PKIA: variants seen among roughly 807,000 people sequenced by gnomAD.
PKIA encodes PKI-alpha.
Under a neutral mutation model 7.6 loss-of-function variants are expected in PKIA, and 4 were observed. That is an observed-to-expected ratio of 0.52 (90% CI 0.26 to 1.20). The LOEUF is 1.20. Among genes scored for constraint, PKIA ranks in the 50% most tolerant of loss-of-function variants. The probability of loss-of-function intolerance (pLI) is 0.13; values close to 1 mark genes in which losing one functional copy is unlikely to be tolerated. For synonymous variants in PKIA, 21 were observed against 30.7 expected, an observed-to-expected ratio of 0.68 and a Z score of 1.04; for missense variants, 73 against 86.2, an observed-to-expected ratio of 0.85 and a Z score of 0.61.
chr8:78,597,012 G>T (rs1348755641), intron 2 of PKIA, among the ~76,000 whole-genome samples: 2 of 152,054 alleles, frequency 1.3e-5, no homozygotes, highest in African/African-American at 2.4e-5. Context: ...TTATTTCTGG[G>T]TTCTTTAACC....
In PKIA at chr8:78,560,866, A is replaced by G. The variant is rs531061563; in HGVS notation, c.-156-11945A>G. ...GTGTTAGTGTTATCTCTATTGGTAGATAGAAACCAGGCTCAGGAAGATTAA... is the reference window on the plus strand; with the variant it reads ...GTGTTAGTGTTATCTCTATTGGTAGGTAGAAACCAGGCTCAGGAAGATTAA... On this transcript the variant is annotated intron_variant, in intron 1 of 3. Transcript: ENST00000396418. 4.6e-5 allele frequency among the ~76,000 whole-genome samples: 7 copies of G among 152,332 alleles called. No individual in the cohort carries two copies. The East Asian group carries it at 1.3e-3, about 29-fold the overall frequency.
chr8:78,574,983 A>G (rs565358691), intron 2 of PKIA, among the ~76,000 whole-genome samples: 1 of 151,994 alleles, frequency 6.6e-6, no homozygotes, highest in Non-Finnish European at 1.5e-5. Context: ...TTCTTTTCTT[A>G]GCTGAAAGTT....
At chr8:78,593,523 T>G (rs964047236) in intron 2 of PKIA, among the ~76,000 whole-genome samples, 1 of 152,212 alleles carries the variant, frequency 6.6e-6, no homozygotes, top group African/African-American at 2.4e-5. Context: ...TAAATATTTA[T>G]AAGATGTATT....
intron 1 of PKIA, among the ~76,000 whole-genome samples, chr8:78,527,089 TAG>T (rs1402446243): frequency 6.6e-6 from 1 of 152,074 alleles, no homozygotes; most frequent in Non-Finnish European, 1.5e-5. Context: ...TTGCAGTTGG[TAG>T]AGTCTCTTCA....
intron 2 of PKIA, among the ~76,000 whole-genome samples, chr8:78,574,660 A>C (rs1807632531): frequency 6.6e-6 from 1 of 152,004 alleles, no homozygotes; most frequent in Non-Finnish European, 1.5e-5. Flanking sequence ...ACATTTACTC[A>C]TATTTGATTA....
intron 3 of PKIA, among the ~76,000 whole-genome samples, chr8:78,601,111 AGGG>A (rs1808339915): frequency 6.6e-6 from 1 of 152,020 alleles, no homozygotes; most frequent in Admixed American, 6.6e-5. Flanking sequence ...ATTGCTACTG[AGGG>A]TGCAGTTATG....
At chr8:78,553,148 T>G (rs1807030247) in intron 1 of PKIA, among the ~76,000 whole-genome samples, 1 of 150,856 alleles carries the variant, frequency 6.6e-6, no homozygotes, top group East Asian at 1.9e-4. Context: ...TTGACTAGTT[T>G]GACATTGGCT....
intron 1 of PKIA, among the ~76,000 whole-genome samples, chr8:78,555,662 G>A (rs1229553217): frequency 2.0e-5 from 3 of 152,008 alleles, no homozygotes; most frequent in Non-Finnish European, 4.4e-5. Flanking sequence ...AGAAGGAGTT[G>A]GATAAAGCAG....
chr8:78,566,655 A>C (rs1298341404), intron 1 of PKIA, among the ~76,000 whole-genome samples: 1 of 152,224 alleles, frequency 6.6e-6, no homozygotes, highest in East Asian at 1.9e-4. Context: ...AATGTATTTT[A>C]AAAAGGCTTT....
intron 1 of PKIA, among the ~76,000 whole-genome samples, chr8:78,568,660 G>A (rs1232564357): frequency 2.0e-5 from 3 of 151,976 alleles, no homozygotes; most frequent in Non-Finnish European, 1.5e-5. Context: ...CTCAGACAGG[G>A]CACCACAGGA....
chr8:78,567,708 A>G (rs1807452089), intron 1 of PKIA, among the ~76,000 whole-genome samples: 1 of 152,180 alleles, frequency 6.6e-6, no homozygotes, highest in Non-Finnish European at 1.5e-5. Flanking sequence ...TTGAATAGCT[A>G]CAGAAGCTAT....
intron 2 of PKIA, among the ~76,000 whole-genome samples, chr8:78,592,807 C>T (rs1808132854): frequency 6.6e-6 from 1 of 152,142 alleles, no homozygotes; most frequent in South Asian, 2.1e-4. Flanking sequence ...TTCTCTGCCT[C>T]ATTTTTGGTA....
chr8:78,529,547 A>G (rs1806342057), intron 1 of PKIA, among the ~76,000 whole-genome samples: 1 of 152,084 alleles, frequency 6.6e-6, no homozygotes, highest in African/African-American at 2.4e-5. Flanking sequence ...TAATTTGTGC[A>G]TGCTTAAATA....
chr8:78,592,544 T>A (rs1320748989), intron 2 of PKIA, among the ~76,000 whole-genome samples: 1 of 152,170 alleles, frequency 6.6e-6, no homozygotes, highest in African/African-American at 2.4e-5. Context: ...TGTCTTTCAT[T>A]CAATTGAAAT....
At chr8:78,530,100 A>G (rs781767160) in intron 1 of PKIA, among the ~76,000 whole-genome samples, 60 of 152,162 alleles carry the variant, frequency 3.9e-4, no homozygotes, top group Middle Eastern at 6.8e-3. Flanking sequence ...AAATTATGAT[A>G]ATAAATTATA....
chr8:78,598,085 A>T (rs1378752349), intron 2 of PKIA, among the ~76,000 whole-genome samples: 1 of 135,324 alleles, frequency 7.4e-6, no homozygotes, highest in East Asian at 1.9e-4. Flanking sequence ...TTAATTATTA[A>T]TAATAATTAA....
intron 1 of PKIA, among the ~76,000 whole-genome samples, chr8:78,545,266 T>C (rs1031643019): frequency 6.6e-6 from 1 of 152,174 alleles, no homozygotes; most frequent in African/African-American, 2.4e-5. Context: ...TCTTAGAATT[T>C]GACACCTAGC....
At chr8:78,534,171 G>A (rs1806460543) in intron 1 of PKIA, 2 of 152,188 alleles carry the variant, frequency 1.3e-5, no homozygotes, top group South Asian at 4.1e-4. Flanking sequence ...GGTTATTCCA[G>A]TGATAAAAAT....
At chr8:78,601,652 T>C (rs975146794) in intron 3 of PKIA, 90 bp from the exon 4 acceptor site, 1 of 967,960 alleles carries the variant, frequency 1.0e-6, no homozygotes, top group Non-Finnish European at 1.6e-6. Context: ...TTAGTATTTC[T>C]GAAGTTACCA....
Sources: gnomAD v4.1 joint callset for allele counts (sites outside exome capture counted in the v4.1 genomes callset) on GRCh38, gnomAD v4.1.1 for gene constraint, MANE v1.5 for transcripts, NCBI Gene and HGNC (gene_info 2026-07-23, HGNC 2026-07-21) for gene names.